The following GATAD2B variants were observed in gnomAD, a reference collection of about 807,000 sequenced individuals.
GATAD2B encodes the protein transcriptional repressor p66-beta.
In GATAD2B, 8 loss-of-function variants were observed where a neutral mutation model predicts 64.3. The ratio of observed to expected loss-of-function variants is 0.12; its 90% CI spans 0.07 to 0.22. The LOEUF is 0.22. Ranked by LOEUF, GATAD2B falls within the 10% of genes least tolerant of loss-of-function variation. The probability of loss-of-function intolerance (pLI) is 1.00; values close to 1 mark genes in which losing one functional copy is unlikely to be tolerated. For missense variants in GATAD2B, 453 were observed against 752.0 expected, an observed-to-expected ratio of 0.60 and a Z score of 4.65; for synonymous variants, 281 against 271.3, an observed-to-expected ratio of 1.04 and a Z score of -0.35.
At chr1:153,843,509 A>G (rs1675570601) in intron 1 of GATAD2B, among the ~76,000 whole-genome samples, 1 of 152,126 alleles carries the variant, frequency 6.6e-6, no homozygotes, top group Admixed American at 6.6e-5. Context: ...TCCTGGCCTC[A>G]CACGATCCTC....
Position 153,824,931 on chromosome 1 carries a change from A to G in GATAD2B, c.335+3082T>C, listed in dbSNP as rs116686105. On this transcript the variant is annotated intron_variant, in intron 2 of 10. Transcript: ENST00000368655. Reference sequence around the variant, plus strand: ...AAACCTCGTCTCTACTAAAAATACAAAACAATTAGCTGGGTACAGGGGCAC... The same window carrying G: ...AAACCTCGTCTCTACTAAAAATACAGAACAATTAGCTGGGTACAGGGGCAC... Among the ~76,000 whole-genome samples, 1,336 of 152,136 alleles carry G rather than the reference A, an allele frequency of 8.8e-3. 24 individuals are homozygous for G. The highest frequency in any genetic ancestry group is 0.03 in the African/African-American group (1,262 of 41,500).
In GATAD2B at chr1:153,810,112, T is replaced by C. The variant is rs1053969587; in HGVS notation, c.*65A>G. The C allele has an allele frequency of 2.0e-6, 3 of 1,494,792 alleles. No homozygotes were observed. The highest frequency in any genetic ancestry group is 1.7e-4 in the Middle Eastern group (1 of 5,758). 92.6% of individuals were successfully genotyped at this position (1,494,792 alleles called of 1,614,324 possible). On this transcript the variant is annotated 3_prime_UTR_variant, in exon 11 of 11. Coordinates refer to ENST00000368655, the MANE Select transcript of GATAD2B (RefSeq NM_020699.4). The stretch of plus-strand genomic sequence containing the variant: ...GTACAGGCACTGCATGCGACAGAAG[T>C]TGGGGGAATGAAAGAGGAAAGGGAT...
chr1:153,879,592 G>A (rs1045140500), intron 1 of GATAD2B, among the ~76,000 whole-genome samples: 4 of 151,704 alleles, frequency 2.6e-5, no homozygotes, highest in Non-Finnish European at 4.4e-5. Context: ...TAAAAACCCC[G>A]TCTCTACTAA....
At chr1:153,848,991 A>G (rs943708829) in intron 1 of GATAD2B, among the ~76,000 whole-genome samples, 14 of 144,610 alleles carry the variant, frequency 9.7e-5, no homozygotes, top group African/African-American at 3.5e-4. Context: ...CCTCCCCCAG[A>G]CTGGGTAATT....
chr1:153,823,726 GTTT>G (rs963248021), intron 2 of GATAD2B, among the ~76,000 whole-genome samples: 1 of 145,466 alleles, frequency 6.9e-6, no homozygotes, highest in Non-Finnish European at 1.5e-5. Context: ...TTTTTTTTTT[GTTT>G]TTTTGTTTGT....
At chr1:153,855,234 TTTTG>T (rs1049202997) in intron 1 of GATAD2B, among the ~76,000 whole-genome samples, 3 of 144,586 alleles carry the variant, frequency 2.1e-5, no homozygotes, top group Admixed American at 6.8e-5. Context: ...TGTTTTTTTT[TTTTG>T]TTGTTGTTGT....
At chr1:153,889,780 A>C in intron 1 of GATAD2B, 1 of 172,162 alleles carries the variant, frequency 5.8e-6, no homozygotes, top group Non-Finnish European at 1.2e-5. Context: ...GGGCACATGA[A>C]AGTTAATTAC....
intron 2 of GATAD2B, among the ~76,000 whole-genome samples, chr1:153,824,047 A>G (rs1674782292): frequency 6.6e-6 from 1 of 152,040 alleles, no homozygotes. Context: ...TCATTCTTAT[A>G]CATCTCGGGG....
chr1:153,918,737 G>A (rs1292644141), intron 1 of GATAD2B, among the ~76,000 whole-genome samples: 1 of 152,138 alleles, frequency 6.6e-6, no homozygotes, highest in Non-Finnish European at 1.5e-5. Flanking sequence ...CAGATCACCT[G>A]AGGTCAGGAG....
chr1:153,814,947 T>C (rs1395060015), intron 7 of GATAD2B, among the ~76,000 whole-genome samples: 1 of 148,452 alleles, frequency 6.7e-6, no homozygotes, highest in Non-Finnish European at 1.5e-5. Context: ...TTGCACTCTC[T>C]AGCCTGGGCA....
In GATAD2B at chr1:153,816,059, AACACACACAC is replaced by A. The variant is rs71093286; in HGVS notation, c.1216+204_1216+213del. On this transcript the variant is annotated intron_variant, in intron 7 of 10. Transcript: ENST00000368655. The surrounding 1 kb of genome is among the most constrained non-coding windows in gnomAD (Gnocchi z 4.9). The stretch of plus-strand genomic sequence containing the variant: ...CAGAGCGAGACTGCATCTCAAACAA[AACACACACAC>A]ACACACACACACACACACACACACA... 8.1e-4 allele frequency among the ~76,000 whole-genome samples: 115 copies of A among 141,878 alleles called. No individual in the cohort carries two copies. The highest frequency in any genetic ancestry group is 3.6e-3 in the Middle Eastern group (1 of 276). 93.1% of individuals were successfully genotyped at this position (141,878 alleles called of 152,430 possible).
intron 1 of GATAD2B, among the ~76,000 whole-genome samples, chr1:153,889,371 C>A (rs1440693922): frequency 2.3e-5 from 3 of 130,346 alleles, no homozygotes; most frequent in Non-Finnish European, 4.6e-5. Flanking sequence ...GAGATCGTGC[C>A]ATTGCACTCC....
rs1675948669 is a variant in GATAD2B at position 153,852,795 on chromosome 1, C to T, written c.-1-24447G>A. ...TAACATAACAACTTGGCTTCTGAACCATATCATATCCTTCAACTTTTTTTG... is the reference window on the plus strand; with the variant it reads ...TAACATAACAACTTGGCTTCTGAACTATATCATATCCTTCAACTTTTTTTG... On this transcript the variant is annotated intron_variant, in intron 1 of 10. Transcript: ENST00000368655. 3 of 920,370 alleles carry T rather than the reference C, an allele frequency of 3.3e-6. No individual in the cohort carries two copies. In the East Asian group the frequency reaches 7.2e-5, roughly 22 times the overall value. The allele number at this position is 920,370 out of a possible 1,614,324, so 57.0% of individuals were successfully genotyped here. A position where few individuals can be genotyped will look rare whatever the true frequency, so the allele number is the denominator to read the frequency against.
chr1:153,852,610 C>T (rs1675940825), intron 1 of GATAD2B: 2 of 788,702 alleles, frequency 2.5e-6, no homozygotes, highest in Admixed American at 1.7e-5. Flanking sequence ...GCACTATGCA[C>T]ACTCTTCCTG....
chr1:153,911,224 AC>A (rs1678099629), intron 1 of GATAD2B, among the ~76,000 whole-genome samples: 2 of 152,216 alleles, frequency 1.3e-5, no homozygotes, highest in African/African-American at 4.8e-5. Context: ...ATATCCAGCC[AC>A]AAAAATTCAA....
At chr1:153,879,494 T>C (rs192984915) in intron 1 of GATAD2B, among the ~76,000 whole-genome samples, 1 of 152,260 alleles carries the variant, frequency 6.6e-6, no homozygotes, top group African/African-American at 2.4e-5. Flanking sequence ...CCGGGTGCAG[T>C]GGCTCACGCC....
chr1:153,886,576 G>A (rs1350914812), intron 1 of GATAD2B: 3 of 138,726 alleles, frequency 2.2e-5, no homozygotes, highest in Admixed American at 8.1e-5. Flanking sequence ...CGCCCAGGCT[G>A]GAGTGCAGTG....
At chr1:153,856,504 A>G (rs980239626) in intron 1 of GATAD2B, among the ~76,000 whole-genome samples, 4 of 152,208 alleles carry the variant, frequency 2.6e-5, no homozygotes, top group Non-Finnish European at 4.4e-5. Flanking sequence ...GTACTACTCT[A>G]TTTTTCTATA....
chr1:153,886,008 T>C (rs1304332961), intron 1 of GATAD2B, among the ~76,000 whole-genome samples: 1 of 151,636 alleles, frequency 6.6e-6, no homozygotes, highest in African/African-American at 2.4e-5. Context: ...GGCAACAGAG[T>C]TCAAATTGAT....
Sources: allele counts gnomAD v4.1 joint callset (sites outside exome capture counted in the v4.1 genomes callset), GRCh38; gene constraint gnomAD v4.1.1; non-coding constraint Gnocchi (gnomAD v3.1); transcripts MANE v1.5; gene names NCBI Gene and HGNC (gene_info 2026-07-23, HGNC 2026-07-21).